The following DLGAP2 variants were observed in gnomAD, a reference collection of about 807,000 sequenced individuals.
DLGAP2 encodes DLG associated protein 2.
A neutral mutation model predicts 100.3 loss-of-function variants in DLGAP2; 26 were observed. The observed-to-expected ratio is 0.26, with a 90% confidence interval of 0.19 to 0.36. DLGAP2 has a LOEUF of 0.36. Among genes scored for constraint, DLGAP2 ranks in the 10% least tolerant of loss-of-function variants. The pLI is 1.00. For missense variants in DLGAP2, 1,858 were observed against 1,453.2 expected, an observed-to-expected ratio of 1.28 and a Z score of -4.53; for synonymous variants, 886 against 630.1, an observed-to-expected ratio of 1.41 and a Z score of -6.08.
intron 3 of DLGAP2, among the ~76,000 whole-genome samples, chr8:1,452,847 G>C (rs1386536700): frequency 6.6e-6 from 1 of 152,204 alleles, no homozygotes; most frequent in African/African-American, 2.4e-5. Context: ...ATTGTCTCAG[G>C]ACGGTGCCCA....
intron 6 of DLGAP2, among the ~76,000 whole-genome samples, chr8:1,586,606 G>A (rs556109848): frequency 6.6e-5 from 10 of 152,184 alleles, no homozygotes; most frequent in African/African-American, 2.2e-4. Flanking sequence ...GTAGCGTAAC[G>A]TGTTCACAGA....
At chr8:1,544,520 A>G (rs1166033176) in intron 4 of DLGAP2, among the ~76,000 whole-genome samples, 2 of 152,082 alleles carry the variant, frequency 1.3e-5, no homozygotes, top group Non-Finnish European at 2.9e-5. Flanking sequence ...GAGTGTTTTT[A>G]TCATGAAATA....
chr8:1,610,588 A>G (rs1244251454), intron 6 of DLGAP2, among the ~76,000 whole-genome samples: 6 of 137,010 alleles, frequency 4.4e-5, no homozygotes, highest in Admixed American at 2.2e-4. Context: ...CAAAAAATCA[A>G]TGAATCCAGG....
intron 2 of DLGAP2, among the ~76,000 whole-genome samples, chr8:916,274 A>G (rs534171684): frequency 3.9e-5 from 6 of 152,228 alleles, no homozygotes; most frequent in Non-Finnish European, 8.8e-5. Flanking sequence ...GTTGACACCA[A>G]TGCTGATGTC....
intron 2 of DLGAP2, among the ~76,000 whole-genome samples, chr8:968,654 G>GT (rs1799939971): frequency 2.0e-5 from 3 of 152,240 alleles, no homozygotes; most frequent in South Asian, 4.1e-4. Context: ...TTTCCACTCT[G>GT]TTTAAGTTTT....
intron 2 of DLGAP2, among the ~76,000 whole-genome samples, chr8:1,099,771 G>A (rs987349381): frequency 6.6e-6 from 1 of 152,142 alleles, no homozygotes; most frequent in Non-Finnish European, 1.5e-5. Context: ...AAATACCACA[G>A]GTCTTTTATA....
rs558003533 is a variant in DLGAP2, at chr8:750,129, T to C, written c.18+12304T>C. On this transcript the variant is annotated intron_variant, in intron 1 of 14. Coordinates refer to ENST00000637795, the MANE Select transcript of DLGAP2 (RefSeq NM_001346810.2). ...GCTCACATTCCTGGGTGGAAGGGCT[T>C]TTCCTGGGTCTCCCTAGGGCCGGTT... Among the ~76,000 whole-genome samples the C allele has an allele frequency of 2.7e-4, 41 of 152,336 alleles. 1 individual carries two copies. The highest frequency in any genetic ancestry group is 9.9e-4 in the African/African-American group (41 of 41,580).
intron 3 of DLGAP2, among the ~76,000 whole-genome samples, chr8:1,329,724 C>T (rs1801105580): frequency 1.3e-5 from 2 of 152,178 alleles, no homozygotes; most frequent in Non-Finnish European, 2.9e-5. Flanking sequence ...CTTCTAACAG[C>T]AGAGACCCTG....
intron 1 of DLGAP2, among the ~76,000 whole-genome samples, chr8:786,687 G>C (rs1208600971): frequency 6.6e-6 from 1 of 152,144 alleles, no homozygotes; most frequent in African/African-American, 2.4e-5. Flanking sequence ...TGCTGGCTGG[G>C]AGGGGTGGGG....
chr8:1,498,682 T>C (rs1799619769), intron 3 of DLGAP2, among the ~76,000 whole-genome samples: 1 of 152,220 alleles, frequency 6.6e-6, no homozygotes, highest in South Asian at 2.1e-4. Context: ...AATCGGCATT[T>C]ATAACAATCT....
In DLGAP2 at chr8:1,529,743, G is replaced by A. The variant is rs554255524; in HGVS notation, c.173-18883G>A. ...TCAGGGAACCTGCCCCGATATTCAC[G>A]TAGGTTCTTTTCTATTTTCCTTAAG... On this transcript the variant is annotated intron_variant, in intron 4 of 14. Coordinates refer to ENST00000637795, the MANE Select transcript of DLGAP2 (RefSeq NM_001346810.2). 7.2e-5 allele frequency among the ~76,000 whole-genome samples: 11 copies of A among 152,332 alleles called. No homozygotes were observed. The East Asian group carries it at 9.6e-4, about 13-fold the overall frequency.
At chr8:1,439,766 C>A (rs1308469311) in intron 3 of DLGAP2, among the ~76,000 whole-genome samples, 1 of 152,036 alleles carries the variant, frequency 6.6e-6, no homozygotes, top group Non-Finnish European at 1.5e-5. Context: ...TCCCCACCAT[C>A]CCCCAGACTG....
At chr8:1,622,639 T>C (rs558633040) in intron 6 of DLGAP2, among the ~76,000 whole-genome samples, 10 of 152,290 alleles carry the variant, frequency 6.6e-5, no homozygotes, top group African/African-American at 2.2e-4. Context: ...TGTTTGTGGA[T>C]GACAATCTAA....
intron 2 of DLGAP2, among the ~76,000 whole-genome samples, chr8:950,903 C>A (rs7845672): frequency 1.3e-5 from 2 of 152,052 alleles, no homozygotes; most frequent in African/African-American, 4.8e-5. Flanking sequence ...GGATTACAGA[C>A]GTGAGCCACC....
intron 2 of DLGAP2, among the ~76,000 whole-genome samples, chr8:1,247,341 C>T (rs1447740862): frequency 7.1e-6 from 1 of 141,254 alleles, no homozygotes; most frequent in Non-Finnish European, 1.5e-5. Flanking sequence ...CATCGGTGGC[C>T]AGCAAGACCT....
chr8:793,007 A>C (rs919510632), intron 1 of DLGAP2, among the ~76,000 whole-genome samples: 3 of 152,188 alleles, frequency 2.0e-5, no homozygotes, highest in African/African-American at 4.8e-5. Flanking sequence ...TGTGAGCTTT[A>C]GTTTCAGAAG....
intron 3 of DLGAP2, among the ~76,000 whole-genome samples, chr8:1,482,370 T>C (rs183317685): frequency 3.3e-4 from 51 of 152,396 alleles, no homozygotes; most frequent in African/African-American, 9.9e-4. Context: ...CTGTCTGTTG[T>C]GGTCAGTTCA....
intron 3 of DLGAP2, among the ~76,000 whole-genome samples, chr8:1,456,325 G>A (rs888462182): frequency 1.8e-4 from 27 of 152,274 alleles, no homozygotes; most frequent in African/African-American, 6.0e-4. Context: ...CACCCTGTAC[G>A]TATTCATCAC....
At chr8:970,020 A>C (rs552498600) in intron 2 of DLGAP2, among the ~76,000 whole-genome samples, 15 of 152,348 alleles carry the variant, frequency 9.8e-5, no homozygotes, top group South Asian at 6.2e-4. Context: ...ATGGTTCAGC[A>C]AAAAATTGTT....
Sources: allele counts gnomAD v4.1 joint callset (sites outside exome capture counted in the v4.1 genomes callset), GRCh38; gene constraint gnomAD v4.1.1; transcripts MANE v1.5; gene names NCBI Gene and HGNC (gene_info 2026-07-23, HGNC 2026-07-21).